Variants in DIAPH2 observed in about 807,000 individuals in gnomAD.
The protein encoded by DIAPH2 is diaphanous related formin 2, also known as protein diaphanous homolog 2.
In DIAPH2, 35 loss-of-function variants were observed where a neutral mutation model predicts 92.7. The ratio of observed to expected loss-of-function variants is 0.38; its 90% CI spans 0.29 to 0.50. The LOEUF (loss-of-function observed/expected upper bound fraction) is 0.50, where lower values mean the gene tolerates loss of function less well. DIAPH2 is among the 20% of genes least tolerant of loss of function. The pLI is 0.94. For missense variants in DIAPH2, 701 were observed against 819.5 expected, an observed-to-expected ratio of 0.86 and a Z score of 1.77; for synonymous variants, 301 against 280.4, an observed-to-expected ratio of 1.07 and a Z score of -0.73.
chrX:97,334,083 C>G (rs1006954935), intron 23 of DIAPH2, among the ~76,000 whole-genome samples: 1 of 111,291 alleles, frequency 9.0e-6, no homozygotes, highest in African/African-American at 3.3e-5. Flanking sequence ...ACATGCATTT[C>G]ATTCCTTTTC....
At chrX:97,268,713 A>C (rs1319221924) in intron 23 of DIAPH2, among the ~76,000 whole-genome samples, 2 of 111,837 alleles carry the variant, frequency 1.8e-5, no homozygotes, top group Non-Finnish European at 3.8e-5. Flanking sequence ...TATGGAAATC[A>C]ATGCAGTAAA....
Position 96,872,227 on chromosome X carries a change from AC to A in DIAPH2, c.448-9349del, listed in dbSNP as rs763838980. ...CCATTCTGTTAAACTATACTTTTGT[AC>A]CCATTAACTATCCCCATTTCCCCTC... On this transcript the variant is annotated intron_variant, in intron 4 of 26. Transcript: ENST00000324765. 6.0e-4 allele frequency among the ~76,000 whole-genome samples: 67 copies of A among 110,917 alleles called. No individual in the cohort carries two copies. The East Asian group carries it at 6.6e-3, about 11-fold the overall frequency.
At chrX:96,743,207 T>C (rs2064130458) in intron 3 of DIAPH2, among the ~76,000 whole-genome samples, 1 of 112,134 alleles carries the variant, frequency 8.9e-6, no homozygotes. Context: ...AATTTTGAAA[T>C]AGGATATTAA....
At chrX:97,489,773 T>C (rs183331425) in intron 26 of DIAPH2, among the ~76,000 whole-genome samples, 1 of 111,882 alleles carries the variant, frequency 8.9e-6, no homozygotes, top group African/African-American at 3.2e-5. Context: ...TCCTCACATA[T>C]TAGGGATAAG....
rs182722007 is a variant in DIAPH2, at chrX:97,008,861, G to A, written c.2050+43654G>A. Among the ~76,000 whole-genome samples, 95 of 111,454 alleles carry A rather than the reference G, an allele frequency of 8.5e-4. 1 individual carries two copies. In the East Asian group the frequency reaches 0.022, roughly 26 times the overall value. Reference sequence around the variant, plus strand: ...CTGTGGCGACCACCACTGGGACTGCGCTGGGTCAGACCTGAAGGCAGCAGA... The same window carrying A: ...CTGTGGCGACCACCACTGGGACTGCACTGGGTCAGACCTGAAGGCAGCAGA... On this transcript the variant is annotated intron_variant, in intron 17 of 26. Transcript: ENST00000324765.
At chrX:97,526,463 A>C (rs1333632582) in intron 26 of DIAPH2, among the ~76,000 whole-genome samples, 1 of 93,890 alleles carries the variant, frequency 1.1e-5, no homozygotes, top group East Asian at 3.3e-4. Flanking sequence ...AAGGAATGCC[A>C]AAAAAAAAAA....
intron 22 of DIAPH2, among the ~76,000 whole-genome samples, chrX:97,206,328 T>C (rs1032479202): frequency 9.0e-6 from 1 of 111,053 alleles, no homozygotes; most frequent in African/African-American, 3.3e-5. Flanking sequence ...AAAACAAAAA[T>C]AAAAAAAATT....
chrX:97,224,121 C>T (rs1370508261), intron 22 of DIAPH2, among the ~76,000 whole-genome samples: 1 of 111,748 alleles, frequency 8.9e-6, no homozygotes, highest in Non-Finnish European at 1.9e-5. Flanking sequence ...CACGGTTTTT[C>T]AATTAGGCTA....
At chrX:97,507,690 T>G (rs1412380807) in intron 26 of DIAPH2, among the ~76,000 whole-genome samples, 1 of 112,099 alleles carries the variant, frequency 8.9e-6, no homozygotes, top group East Asian at 2.8e-4. Flanking sequence ...TAGCTTGAAT[T>G]CAGATAAAAC....
At chrX:97,428,035 T>C (rs2070088125) in intron 25 of DIAPH2, among the ~76,000 whole-genome samples, 1 of 111,001 alleles carries the variant, frequency 9.0e-6, no homozygotes, top group Non-Finnish European at 1.9e-5. Flanking sequence ...GTTTACTCAA[T>C]GGGCTCTACT....
chrX:97,137,949 G>A (rs145479181), intron 21 of DIAPH2, among the ~76,000 whole-genome samples: 1 of 111,974 alleles, frequency 8.9e-6, no homozygotes, highest in African/African-American at 3.2e-5. Context: ...GAACAGGACG[G>A]GAATGAGAAG....
At chrX:97,429,133 G>A (rs2070099956) in intron 25 of DIAPH2, among the ~76,000 whole-genome samples, 1 of 112,087 alleles carries the variant, frequency 8.9e-6, no homozygotes, top group South Asian at 3.7e-4. Flanking sequence ...TCTCAAAATG[G>A]TAAAGGATAT....
At chrX:97,456,910 C>G (rs1054298620) in intron 26 of DIAPH2, among the ~76,000 whole-genome samples, 1 of 111,619 alleles carries the variant, frequency 9.0e-6, no homozygotes, top group Admixed American at 9.5e-5. Flanking sequence ...TCTAACGTAA[C>G]CAAATACTAT....
Position 96,975,431 on chromosome X carries a change from G to A in DIAPH2, c.2050+10224G>A, listed in dbSNP as rs190199542. Among the ~76,000 whole-genome samples the A allele has an allele frequency of 1.2e-3, 129 of 112,076 alleles. 1 individual carries two copies. The highest frequency in any genetic ancestry group is 4.1e-3 in the African/African-American group (127 of 30,871). On this transcript the variant is annotated intron_variant, in intron 17 of 26. Coordinates refer to ENST00000324765, the MANE Select transcript of DIAPH2 (RefSeq NM_006729.5). ...GTCAGTCTCAGAGTGCACAGCCCTT[G>A]TAAGATGGTGCTAACGTGTCCAGAG...
At chrX:97,465,758 G>A (rs1016964398) in intron 26 of DIAPH2, among the ~76,000 whole-genome samples, 1 of 111,510 alleles carries the variant, frequency 9.0e-6, no homozygotes, top group African/African-American at 3.3e-5. Context: ...GTGCAATCTC[G>A]GCTCACTGCA....
At chrX:97,595,598 CTCTT>C (rs1243924351) in intron 26 of DIAPH2, among the ~76,000 whole-genome samples, 1 of 107,597 alleles carries the variant, frequency 9.3e-6, no homozygotes, top group African/African-American at 3.4e-5. Context: ...TTCTTTCTTT[CTCTT>C]TCTTTCTTTT....
intron 23 of DIAPH2, among the ~76,000 whole-genome samples, chrX:97,290,329 G>A (rs1356174521): frequency 1.8e-5 from 2 of 111,324 alleles, no homozygotes. Flanking sequence ...GGAAGCTAAA[G>A]GTTGTTTAGC....
At chrX:96,837,361 CT>C (rs1164934857) in intron 4 of DIAPH2, among the ~76,000 whole-genome samples, 1 of 108,217 alleles carries the variant, frequency 9.2e-6, no homozygotes, top group Non-Finnish European at 1.9e-5. Context: ...CTCTCTTTCT[CT>C]GTCTCTCTGT....
At chrX:96,744,683 A>G (rs1386112117) in intron 3 of DIAPH2, among the ~76,000 whole-genome samples, 1 of 112,229 alleles carries the variant, frequency 8.9e-6, no homozygotes, top group Non-Finnish European at 1.9e-5. Flanking sequence ...AACTGTTAAA[A>G]ATGTCATTAT....
Sources: gnomAD v4.1 joint callset for allele counts (sites outside exome capture counted in the v4.1 genomes callset) on GRCh38, gnomAD v4.1.1 for gene constraint, MANE v1.5 for transcripts, NCBI Gene and HGNC (gene_info 2026-07-23, HGNC 2026-07-21) for gene names.